The following NOS2 variants were observed in gnomAD, a reference collection of about 807,000 sequenced individuals.
The protein encoded by NOS2 is nitric oxide synthase 2, also known as nitric oxide synthase, inducible.
NOS2 carries 96 observed loss-of-function variants against 136.0 expected under a neutral mutation model. That is an observed-to-expected ratio of 0.71 (90% CI 0.60 to 0.84). The LOEUF is 0.84. Ranked by LOEUF, NOS2 falls within the 40% of genes least tolerant of loss-of-function variation. The pLI is 0.00. For missense variants in NOS2, 1,237 were observed against 1,496.9 expected (o/e 0.83, Z 2.87); for synonymous variants, 539 against 587.5 (o/e 0.92, Z 1.20).
intron 18 of NOS2, among the ~76,000 whole-genome samples, chr17:27,767,216 C>T (rs1316021626): frequency 6.6e-6 from 1 of 152,218 alleles, no homozygotes; most frequent in Non-Finnish European, 1.5e-5. Context: ...GCACAGGGCA[C>T]AGCACCTGGG....
At chr17:27,779,779 G>A (rs926098192) in intron 9 of NOS2, among the ~76,000 whole-genome samples, 2 of 152,130 alleles carry the variant, frequency 1.3e-5, no homozygotes, top group Non-Finnish European at 2.9e-5. Context: ...AACTTGGGAT[G>A]TTTTTTAGCC....
chr17:27,768,961 CT>C lies in NOS2; in HGVS notation c.2034+15del, dbSNP rs1249006113. The C allele has an allele frequency of 6.3e-7, 1 of 1,582,232 alleles. No individual in the cohort carries two copies. Among genetic ancestry groups the C allele is most frequent in the Admixed American group, 1.7e-5 (1 of 58,042 alleles). ...GTCATGTCCCTGCTGTGGGGCAGCTCTGGCTGGGAACTGACCTTGAAGGTTT... is the reference window on the plus strand; with the variant it reads ...GTCATGTCCCTGCTGTGGGGCAGCTCGGCTGGGAACTGACCTTGAAGGTTT... On this transcript the variant is annotated intron_variant, in intron 17 of 26. Transcript: ENST00000313735.
At chr17:27,784,832 G>A (rs1459011033) in intron 5 of NOS2, among the ~76,000 whole-genome samples, 2 of 152,192 alleles carry the variant, frequency 1.3e-5, no homozygotes, top group African/African-American at 2.4e-5. Context: ...GTGAGGAGAG[G>A]CTGCCATTCC....
chr17:27,764,635 C>G (rs78404801), intron 20 of NOS2, among the ~76,000 whole-genome samples: 1 of 152,220 alleles, frequency 6.6e-6, no homozygotes, highest in Non-Finnish European at 1.5e-5. Context: ...CCAGAAGACA[C>G]GGGTTCAAAC....
rs1024698617 is a variant in NOS2, at chr17:27,780,754, T to C, written c.1004+13A>G. On this transcript the variant is annotated intron_variant, in intron 9 of 26. Coordinates refer to ENST00000313735, the MANE Select transcript of NOS2 (RefSeq NM_000625.4). Reference sequence around the variant, plus strand: ...TGACTCGCCCTTGCCCCCAGCACCCTCAGCCTACTTACTTGGGATGTTCCA... The same window carrying C: ...TGACTCGCCCTTGCCCCCAGCACCCCCAGCCTACTTACTTGGGATGTTCCA... 1 of 1,614,202 alleles carries C rather than the reference T, an allele frequency of 6.2e-7. No individual in the cohort carries two copies. The highest frequency in any genetic ancestry group is 8.5e-7 in the Non-Finnish European group (1 of 1,180,034).
Position 27,787,840 on chromosome 17 carries a change from G to A in NOS2, c.319-14C>T, listed in dbSNP as rs772104652. On this transcript the variant is annotated splice_polypyrimidine_tract_variant and intron_variant, in intron 4 of 26. Coordinates refer to ENST00000313735, the MANE Select transcript of NOS2 (RefSeq NM_000625.4). ...GCAAGTTAAAATCTGGAAAGAGAGA[G>A]GCAGGTGGTGAGGGTGGGCCATTCG... 6.2e-7 allele frequency: 1 copy of A among 1,604,020 alleles called. No homozygotes were observed. Among genetic ancestry groups the A allele is most frequent in the Non-Finnish European group, 8.5e-7 (1 of 1,174,974 alleles).
intron 14 of NOS2, 63 bp from the exon 15 acceptor site, chr17:27,771,080 A>AGG: frequency 1.6e-6 from 2 of 1,239,524 alleles, no homozygotes; most frequent in Non-Finnish European, 1.2e-6. Flanking sequence ...TACCCTGCGC[A>AGG]GACACCCTGG....
chr17:27,759,919 T>C, intron 25 of NOS2, 111 bp downstream of exon 25: 1 of 1,067,102 alleles, frequency 9.4e-7, no homozygotes, highest in Non-Finnish European at 1.3e-6. Flanking sequence ...ATTACCAGCA[T>C]TTTCGAGCTC....
chr17:27,765,354 G>T (rs1389275211), intron 20 of NOS2, among the ~76,000 whole-genome samples, 181 bp downstream of exon 20: 1 of 152,200 alleles, frequency 6.6e-6, no homozygotes, highest in Non-Finnish European at 1.5e-5. Context: ...CTAAGGCCAG[G>T]GGGCCATGCC....
In NOS2 at chr17:27,788,875, A is replaced by G. The variant is rs145346921; in HGVS notation, c.252T>C (p.His84=). 3 of 1,613,994 alleles carry G rather than the reference A, an allele frequency of 1.9e-6. No individual in the cohort carries two copies. Among genetic ancestry groups the G allele is most frequent in the East Asian group, 2.2e-5 (1 of 44,890 alleles). ...LDATPLSSPR[H]VRIKNWGSGM... The stretch of plus-strand genomic sequence containing the variant: ...CGCTGCCCCAGTTTTTGATCCTCAC[A>G]TGCCGTGGGGAGGACAATGGGGTTG... The change falls in exon 4 of 27, where the codon CAT becomes CAC. Residue 84 remains histidine, a synonymous_variant. Transcript: ENST00000313735.
intron 26 of NOS2, 70 bp downstream of exon 26, chr17:27,758,811 A>G (rs1005528598): frequency 3.6e-5 from 43 of 1,188,840 alleles, no homozygotes; most frequent in Admixed American, 1.1e-4. Flanking sequence ...TCTACCTGCC[A>G]CCCCTGGTCC....
At position 27,757,054 on chromosome 17, in the gene NOS2, C is replaced by T. The variant is rs201007609; in HGVS notation, c.*192G>A. ...GGCCCCAGTTTGAGAGAGGAGGCTC[C>T]GATCAATCCAGGGTGCTACTTGTTA... On this transcript the variant is annotated 3_prime_UTR_variant, in exon 27 of 27. Transcript: ENST00000313735. 8.3e-5 allele frequency: 39 copies of T among 469,856 alleles called. No homozygotes were observed. Among genetic ancestry groups the T allele is most frequent in the South Asian group, 8.1e-4 (19 of 23,376 alleles). 29.1% of individuals were successfully genotyped at this position (469,856 alleles called of 1,614,324 possible). A position where few individuals can be genotyped will look rare whatever the true frequency, so the allele number is the denominator to read the frequency against.
At chr17:27,785,647 C>A (rs1908998458) in intron 5 of NOS2, among the ~76,000 whole-genome samples, 1 of 152,078 alleles carries the variant, frequency 6.6e-6, no homozygotes, top group Non-Finnish European at 1.5e-5. Context: ...CCAGCTCAGA[C>A]ATTCTAGGGT....
chr17:27,778,372 T>C (rs1908728024), intron 11 of NOS2, among the ~76,000 whole-genome samples: 1 of 152,176 alleles, frequency 6.6e-6, no homozygotes, highest in Non-Finnish European at 1.5e-5. Context: ...TGGTTAGCTA[T>C]TCATTTCTTT....
At position 27,758,973 on chromosome 17, in the gene NOS2, C is replaced by T; in HGVS notation, c.3262G>A (p.Ala1088Thr). The part of the protein sequence containing the change: ...HLYVCGDVRM[A>T]RDVAHTLKQL... ...TTCAGGGTGTGGGCCACGTCCCGGG[C>T]CATGCGCACATCCCCGCAAACATAG... The change falls in exon 26 of 27, where the codon GCC becomes ACC. Residue 1088 changes from alanine (A) to threonine (T), a missense_variant. By Grantham distance (58) the Ala-to-Thr change is moderately conservative. Around this residue, in one of 3 missense-constraint regions of NOS2, gnomAD observed 782 missense variants for 909.9 expected, o/e 0.86. Coordinates refer to ENST00000313735, the MANE Select transcript of NOS2 (RefSeq NM_000625.4). 6.2e-7 allele frequency: 1 copy of T among 1,613,166 alleles called. No individual in the cohort carries two copies. Among genetic ancestry groups the T allele is most frequent in the Non-Finnish European group, 8.5e-7 (1 of 1,179,634 alleles).
At chr17:27,797,947 T>C (rs1372473632) in intron 2 of NOS2, among the ~76,000 whole-genome samples, 2 of 151,852 alleles carry the variant, frequency 1.3e-5, no homozygotes, top group East Asian at 1.9e-4. Flanking sequence ...GTGAAATGAG[T>C]CAATCATATG....
intron 15 of NOS2, 98 bp from the exon 16 acceptor site, chr17:27,769,682 G>A (rs1432988608): frequency 9.7e-7 from 1 of 1,030,408 alleles, no homozygotes. Context: ...TGCAGGAGAA[G>A]GCTCACAGCC....
At chr17:27,772,213 C>T in intron 14 of NOS2, 95 bp downstream of exon 14, 14 of 1,389,684 alleles carry the variant, frequency 1.0e-5, no homozygotes, top group Non-Finnish European at 1.4e-5. Flanking sequence ...ATCCAAGACT[C>T]TGAGACATCC....
chr17:27,758,005 C>T (rs1291846104), intron 26 of NOS2, among the ~76,000 whole-genome samples: 10 of 152,184 alleles, frequency 6.6e-5, no homozygotes, highest in Non-Finnish European at 1.3e-4. Flanking sequence ...CTCTGCCTTC[C>T]CTGGCCACCC....
Sources: gnomAD v4.1 joint callset for allele counts (sites outside exome capture counted in the v4.1 genomes callset) on GRCh38, gnomAD v4.1.1 for gene constraint, gnomAD v4.1.1 regional missense constraint, MANE v1.5 for transcripts, NCBI Gene and HGNC (gene_info 2026-07-23, HGNC 2026-07-21) for gene names.